The following SRGAP3 variants were observed in gnomAD, a reference collection of about 807,000 sequenced individuals.
The protein encoded by SRGAP3 is SLIT-ROBO Rho GTPase-activating protein 3.
In SRGAP3, 39 loss-of-function variants were observed where a neutral mutation model predicts 121.1. That is an observed-to-expected ratio of 0.32 (90% CI 0.25 to 0.42). The LOEUF (loss-of-function observed/expected upper bound fraction) is 0.42, where lower values mean the gene tolerates loss of function less well. Ranked by LOEUF, SRGAP3 falls within the 10% of genes least tolerant of loss-of-function variation. The pLI, the probability that SRGAP3 is intolerant of heterozygous loss-of-function variation, is 1.00. For synonymous variants in SRGAP3, 601 were observed against 570.0 expected, an observed-to-expected ratio of 1.05 and a Z score of -0.77; for missense variants, 1,213 against 1,470.6, an observed-to-expected ratio of 0.82 and a Z score of 2.86.
intron 3 of SRGAP3, among the ~76,000 whole-genome samples, chr3:9,094,479 T>G (rs969902206): frequency 6.6e-6 from 1 of 152,132 alleles, no homozygotes; most frequent in Admixed American, 6.6e-5. Flanking sequence ...TATCTTTGGG[T>G]TATATTTAGA....
At chr3:9,203,801 T>C (rs1005800795) in intron 1 of SRGAP3, among the ~76,000 whole-genome samples, 5 of 152,272 alleles carry the variant, frequency 3.3e-5, no homozygotes, top group African/African-American at 1.2e-4. Flanking sequence ...AAGGTAATAC[T>C]GTGTTCACAT....
intron 2 of SRGAP3, among the ~76,000 whole-genome samples, chr3:9,108,262 T>C (rs1948487323): frequency 6.6e-6 from 1 of 151,876 alleles, no homozygotes; most frequent in Non-Finnish European, 1.5e-5. Context: ...TCTCTGGGGG[T>C]AGCGCGTGGT....
chr3:9,248,548 G>A (rs1953906337), intron 1 of SRGAP3, among the ~76,000 whole-genome samples: 1 of 152,118 alleles, frequency 6.6e-6, no homozygotes, highest in South Asian at 2.1e-4. Flanking sequence ...AGGGGTGGAG[G>A]TAGTGACTAT....
At chr3:9,095,812 A>C (rs1190200830) in intron 3 of SRGAP3, among the ~76,000 whole-genome samples, 1 of 152,208 alleles carries the variant, frequency 6.6e-6, no homozygotes, top group East Asian at 1.9e-4. Context: ...TCATGCCTAT[A>C]ATTCCAGCAC....
intron 1 of SRGAP3, among the ~76,000 whole-genome samples, chr3:9,176,289 T>A (rs527710367): frequency 1.3e-5 from 2 of 152,256 alleles, no homozygotes; most frequent in South Asian, 4.2e-4. Context: ...ATGGCATCTG[T>A]CACACAAGGC....
chr3:9,256,775 C>G (rs1288411690), intron 3 of SRGAP3: 1 of 398,346 alleles, frequency 2.5e-6, no homozygotes, highest in African/African-American at 2.1e-5. Context: ...CTGCATTCTG[C>G]CCCTGTGGAG....
At chr3:9,189,436 G>T (rs939851988) in intron 1 of SRGAP3, among the ~76,000 whole-genome samples, 2 of 152,182 alleles carry the variant, frequency 1.3e-5, no homozygotes, top group African/African-American at 4.8e-5. Context: ...TGTATGGGAA[G>T]GGGATGAAGT....
At chr3:9,213,453 C>T (rs1291948567) in intron 1 of SRGAP3, among the ~76,000 whole-genome samples, 1 of 152,134 alleles carries the variant, frequency 6.6e-6, no homozygotes, top group Non-Finnish European at 1.5e-5. Flanking sequence ...GAAGACTGCC[C>T]TTTTCATACA....
intron 1 of SRGAP3, among the ~76,000 whole-genome samples, chr3:9,215,982 C>T (rs531046791): frequency 6.6e-6 from 1 of 152,306 alleles, no homozygotes; most frequent in East Asian, 1.9e-4. Flanking sequence ...CCCCTAATAA[C>T]TCCCCTCAGA....
chr3:9,084,636 T>A (rs1387177206), intron 3 of SRGAP3, among the ~76,000 whole-genome samples: 2 of 152,160 alleles, frequency 1.3e-5, no homozygotes, highest in African/African-American at 4.8e-5. Context: ...GCCAAAAGCA[T>A]CCTAAGGGAT....
At chr3:9,066,777 G>A (rs1946453674) in intron 4 of SRGAP3, among the ~76,000 whole-genome samples, 1 of 152,244 alleles carries the variant, frequency 6.6e-6, no homozygotes. Context: ...AAGATTACAG[G>A]CGTGAGCCAC....
At chr3:9,132,815 AAAAG>A (rs1238830532) in intron 1 of SRGAP3, among the ~76,000 whole-genome samples, 2 of 149,920 alleles carry the variant, frequency 1.3e-5, no homozygotes, top group African/African-American at 2.4e-5. Flanking sequence ...CTTACTGAAA[AAAAG>A]GAATTACATT....
At chr3:9,201,550 A>G (rs1176633562) in intron 1 of SRGAP3, among the ~76,000 whole-genome samples, 1 of 152,204 alleles carries the variant, frequency 6.6e-6, no homozygotes, top group Non-Finnish European at 1.5e-5. Flanking sequence ...TGGCCTTGAC[A>G]AGAGAGGAAA....
At chr3:9,298,137 C>G (rs1003931399) in intron 3 of SRGAP3, among the ~76,000 whole-genome samples, 2 of 152,120 alleles carry the variant, frequency 1.3e-5, no homozygotes, top group Non-Finnish European at 2.9e-5. Flanking sequence ...CCTTAGCACA[C>G]TAATACACTT....
chr3:9,254,592 G>C (rs982726620), upstream of SRGAP3, among the ~76,000 whole-genome samples: 1 of 152,076 alleles, frequency 6.6e-6, no homozygotes, highest in Non-Finnish European at 1.5e-5. Context: ...TCAGGAGTTC[G>C]AGACCAGTCT....
chr3:9,125,271 G>T (rs1289286247), intron 1 of SRGAP3, among the ~76,000 whole-genome samples: 1 of 152,154 alleles, frequency 6.6e-6, no homozygotes, highest in Non-Finnish European at 1.5e-5. Context: ...AAAATGCAAA[G>T]GTTTCTATCA....
chr3:9,138,107 T>C (rs1028579204), intron 1 of SRGAP3, among the ~76,000 whole-genome samples: 1 of 152,256 alleles, frequency 6.6e-6, no homozygotes, highest in African/African-American at 2.4e-5. Context: ...AGAGCTAAAA[T>C]AGAAGTCAGA....
chr3:9,020,508 G>A (rs1943862551), intron 14 of SRGAP3, among the ~76,000 whole-genome samples: 1 of 152,042 alleles, frequency 6.6e-6, no homozygotes, highest in Non-Finnish European at 1.5e-5. Flanking sequence ...CATTCCTGTG[G>A]TCTCATAATT....
At chr3:9,102,969 C>G (rs903706310) in intron 3 of SRGAP3, among the ~76,000 whole-genome samples, 8 of 152,202 alleles carry the variant, frequency 5.3e-5, no homozygotes, top group South Asian at 2.1e-4. Flanking sequence ...TCCAAACTTG[C>G]AGACGTCTGG....
Sources: allele counts gnomAD v4.1 joint callset (sites outside exome capture counted in the v4.1 genomes callset), GRCh38; gene constraint gnomAD v4.1.1; transcripts MANE v1.5; gene names NCBI Gene and HGNC (gene_info 2026-07-23, HGNC 2026-07-21).